The following DLC1 variants were observed in gnomAD, a reference collection of about 807,000 sequenced individuals.
DLC1 encodes rho GTPase-activating protein 7.
A neutral mutation model predicts 140.3 loss-of-function variants in DLC1; 54 were observed. The ratio of observed to expected loss-of-function variants is 0.38; its 90% confidence interval spans 0.31 to 0.48. The LOEUF is 0.48. Ranked by LOEUF, DLC1 falls within the 20% of genes least tolerant of loss-of-function variation. The pLI is 0.96. For missense variants in DLC1, 2,536 were observed against 1,907.0 expected, an observed-to-expected ratio of 1.33 and a Z score of -6.14; for synonymous variants, 986 against 728.1, an observed-to-expected ratio of 1.35 and a Z score of -5.70.
chr8:13,280,362 T>G (rs537241470), intron 5 of DLC1, among the ~76,000 whole-genome samples: 1 of 151,894 alleles, frequency 6.6e-6, no homozygotes, highest in South Asian at 2.1e-4. Flanking sequence ...GTTTCTTATT[T>G]CTGTGATAAA....
At chr8:13,153,615 G>T (rs1824011593) in intron 5 of DLC1, among the ~76,000 whole-genome samples, 1 of 152,192 alleles carries the variant, frequency 6.6e-6, no homozygotes. Flanking sequence ...TTTTGACAGG[G>T]TGCTGATTGG....
chr8:13,321,307 T>C (rs1375599505), intron 4 of DLC1, among the ~76,000 whole-genome samples: 8 of 151,944 alleles, frequency 5.3e-5, no homozygotes, highest in Admixed American at 5.2e-4. Flanking sequence ...TGCAAGGCTG[T>C]AGTGGGCAGG....
At chr8:13,579,439 T>TTTTATATTATATATTTAATATATC (rs1804992561) in intron 1 of DLC1, among the ~76,000 whole-genome samples, 1 of 17,818 alleles carries the variant, frequency 5.6e-5, no homozygotes, top group African/African-American at 1.2e-4. Context: ...TTTAATACAT[T>TTTTATATTATATATTTAATATATC]ATATTTTATA....
intron 4 of DLC1, among the ~76,000 whole-genome samples, chr8:13,310,293 G>C (rs1333835941): frequency 6.6e-6 from 1 of 152,172 alleles, no homozygotes; most frequent in East Asian, 1.9e-4. Context: ...TAAGTGTATA[G>C]AAATTTTCTT....
chr8:13,361,864 T>C (rs1297427844), intron 4 of DLC1, among the ~76,000 whole-genome samples: 2 of 152,186 alleles, frequency 1.3e-5, no homozygotes, highest in African/African-American at 2.4e-5. Context: ...CTTCTATAAG[T>C]AAGTCATGAC....
At position 13,453,408 on chromosome 8, in the gene DLC1, ATATATATATATATATGTG is replaced by A. The variant is rs1160771312; in HGVS notation, c.1023+45623_1023+45640del. ...CCAGGATATATATATATATGTGTAT[ATATATATATATATATGTG>A]TATATATATATGTATATATATACAT... On this transcript the variant is annotated intron_variant, in intron 2 of 17. Transcript: ENST00000276297. Among the ~76,000 whole-genome samples the A allele has an allele frequency of 1.9e-4, 10 of 52,346 alleles. 3 individuals carry two copies. The highest frequency in any genetic ancestry group is 1.1e-3 in the African/African-American group (9 of 8,390). The allele number at this position is 52,346 out of a possible 152,430, so 34.3% of individuals were successfully genotyped here.
At chr8:13,416,153 C>T (rs571266505) in intron 2 of DLC1, among the ~76,000 whole-genome samples, 1 of 152,312 alleles carries the variant, frequency 6.6e-6, no homozygotes, top group Admixed American at 6.5e-5. Flanking sequence ...CCATGTTATT[C>T]TTCTCTGGAC....
intron 1 of DLC1, among the ~76,000 whole-genome samples, chr8:13,548,839 C>T (rs961803844): frequency 3.9e-4 from 60 of 152,156 alleles, no homozygotes; most frequent in African/African-American, 1.4e-3. Context: ...GGGAAGATCA[C>T]TTACATTTCT....
At chr8:13,372,735 T>C (rs1289852863) in intron 4 of DLC1, among the ~76,000 whole-genome samples, 1 of 152,234 alleles carries the variant, frequency 6.6e-6, no homozygotes, top group Non-Finnish European at 1.5e-5. Context: ...ATAGTTATAT[T>C]AACTCATCTT....
chr8:13,337,878 T>G (rs1255256093), intron 4 of DLC1, among the ~76,000 whole-genome samples: 1 of 152,200 alleles, frequency 6.6e-6, no homozygotes, highest in African/African-American at 2.4e-5. Flanking sequence ...GTACTGCTAG[T>G]GATATAAACT....
At chr8:13,189,338 T>C (rs1294437083) in intron 5 of DLC1, among the ~76,000 whole-genome samples, 1 of 152,118 alleles carries the variant, frequency 6.6e-6, no homozygotes, top group Non-Finnish European at 1.5e-5. Context: ...GCGTGCTGGG[T>C]GCTGTGGCTC....
In DLC1 at chr8:13,091,351, G is replaced by C. The variant is rs1585579194; in HGVS notation, c.3822C>G (p.Ala1274=). Residue 1274 remains alanine, a synonymous_variant, in exon 14 of 18, where the codon GCC becomes GCG. Transcript: ENST00000276297. ...GCTTCTTGCACTCGGCGATCATATGGGCCAGCCCTTGAGTGGCAGCTAGGT... is the reference window on the plus strand; with the variant it reads ...GCTTCTTGCACTCGGCGATCATATGCGCCAGCCCTTGAGTGGCAGCTAGGT... ...NENLAATQGL[A]HMIAECKKLF... The C allele has an allele frequency of 6.2e-7, 1 of 1,614,026 alleles. No homozygotes were observed. Among genetic ancestry groups the C allele is most frequent in the Middle Eastern group, 1.6e-4 (1 of 6,062 alleles).
intron 1 of DLC1, among the ~76,000 whole-genome samples, chr8:13,555,918 GT>G (rs1185967077): frequency 6.6e-6 from 1 of 152,022 alleles, no homozygotes; most frequent in South Asian, 2.1e-4. Flanking sequence ...CTTTCTAAAT[GT>G]TTAAAGGTTT....
chr8:13,138,381 G>C (rs1159883953), intron 5 of DLC1, among the ~76,000 whole-genome samples: 1 of 152,130 alleles, frequency 6.6e-6, no homozygotes, highest in African/African-American at 2.4e-5. Context: ...TTAAAAAATG[G>C]AAATCCATTC....
chr8:13,572,970 C>G (rs1804714947), intron 1 of DLC1, among the ~76,000 whole-genome samples: 1 of 151,962 alleles, frequency 6.6e-6, no homozygotes, highest in African/African-American at 2.4e-5. Context: ...CTTGGGATTC[C>G]ATATGAATTT....
chr8:13,448,935 G>A (rs1434756411), intron 2 of DLC1, among the ~76,000 whole-genome samples: 2 of 152,082 alleles, frequency 1.3e-5, no homozygotes, highest in Non-Finnish European at 2.9e-5. Flanking sequence ...GGAGGTTTTG[G>A]AGCATCTGTT....
intron 5 of DLC1, among the ~76,000 whole-genome samples, chr8:13,156,018 A>C (rs1325345177): frequency 6.6e-6 from 1 of 152,122 alleles, no homozygotes; most frequent in African/African-American, 2.4e-5. Flanking sequence ...TATATCCCTC[A>C]TTTGCCAACT....
chr8:13,203,187 T>C (rs1827489643), intron 5 of DLC1, among the ~76,000 whole-genome samples: 1 of 152,244 alleles, frequency 6.6e-6, no homozygotes, highest in Admixed American at 6.5e-5. Context: ...ACTTACGTGC[T>C]GTTCAATTAC....
rs1284539823 is a variant in DLC1, at chr8:13,586,618, CACACACA to C, written c.-126+17912_-126+17918del. On this transcript the variant is annotated intron_variant, in intron 1 of 1. Coordinates refer to the DLC1 transcript ENST00000631382. The stretch of plus-strand genomic sequence containing the variant: ...ACACACACACACACACACACACACA[CACACACA>C]CCTGCATGTAAAATGAAACATGTAA... Among the ~76,000 whole-genome samples the C allele has an allele frequency of 7.3e-5, 11 of 151,064 alleles. No individual in the cohort carries two copies. In the East Asian group the frequency reaches 1.4e-3, roughly 19 times the overall value.
Sources: allele counts gnomAD v4.1 joint callset (sites outside exome capture counted in the v4.1 genomes callset), GRCh38; gene constraint gnomAD v4.1.1; transcripts MANE v1.5; gene names NCBI Gene and HGNC (gene_info 2026-07-23, HGNC 2026-07-21).